Variants in AK5 observed in about 807,000 individuals in gnomAD.
AK5 encodes the protein adenylate kinase isoenzyme 5.
In AK5, 27 loss-of-function variants were observed where a neutral mutation model predicts 69.5. The observed-to-expected ratio is 0.39, with a 90% CI of 0.29 to 0.54. AK5 has a LOEUF of 0.54. AK5 is among the 20% of genes least tolerant of loss of function. The pLI is 0.71. For missense variants in AK5, 531 were observed against 700.4 expected (o/e 0.76, Z 2.73); for synonymous variants, 260 against 244.4 (o/e 1.06, Z -0.60).
At chr1:77,535,120 G>A (rs117244319) in intron 12 of AK5, among the ~76,000 whole-genome samples, 20 of 152,234 alleles carry the variant, frequency 1.3e-4, no homozygotes, top group Middle Eastern at 6.8e-3. Flanking sequence ...AGATGGCAGC[G>A]GACTCCCCAC....
At chr1:77,381,061 T>C (rs1647595162) in intron 6 of AK5, among the ~76,000 whole-genome samples, 1 of 152,242 alleles carries the variant, frequency 6.6e-6, no homozygotes, top group African/African-American at 2.4e-5. Context: ...AGATTCATTT[T>C]AGCACATGCT....
At chr1:77,413,445 T>A (rs1650181677) in intron 7 of AK5, among the ~76,000 whole-genome samples, 1 of 152,114 alleles carries the variant, frequency 6.6e-6, no homozygotes, top group Non-Finnish European at 1.5e-5. Context: ...CCCACAGGTG[T>A]ACCAGGACTT....
intron 8 of AK5, among the ~76,000 whole-genome samples, chr1:77,432,749 C>CT (rs1487467608): frequency 2.6e-5 from 4 of 151,962 alleles, no homozygotes; most frequent in Non-Finnish European, 5.9e-5. Context: ...GAAGCGTAGA[C>CT]TTTTTTTTAT....
intron 8 of AK5, among the ~76,000 whole-genome samples, chr1:77,429,883 A>C (rs959974940): frequency 3.3e-5 from 5 of 152,190 alleles, no homozygotes; most frequent in African/African-American, 1.2e-4. Flanking sequence ...AGGATGAAGC[A>C]GGAAGAAGCA....
At chr1:77,507,991 A>G (rs1445121076) in intron 10 of AK5, among the ~76,000 whole-genome samples, 1 of 152,170 alleles carries the variant, frequency 6.6e-6, no homozygotes, top group African/African-American at 2.4e-5. Flanking sequence ...AAAATCCAAA[A>G]TCCAAAATGT....
At chr1:77,391,405 A>C in intron 6 of AK5, among the ~76,000 whole-genome samples, 1 of 141,558 alleles carries the variant, frequency 7.1e-6, no homozygotes, top group Admixed American at 7.3e-5. Flanking sequence ...ATATATATAT[A>C]CACACACATA....
At chr1:77,378,688 T>TA (rs1304811822) in intron 6 of AK5, among the ~76,000 whole-genome samples, 1 of 152,032 alleles carries the variant, frequency 6.6e-6, no homozygotes, top group Admixed American at 6.5e-5. Context: ...TTTGGATTAA[T>TA]AAAAAACCTG....
At chr1:77,375,154 C>T (rs1169765086) in intron 6 of AK5, among the ~76,000 whole-genome samples, 2 of 152,202 alleles carry the variant, frequency 1.3e-5, no homozygotes, top group African/African-American at 4.8e-5. Context: ...GGCCAAGTCA[C>T]TGAGCTGAAG....
intron 6 of AK5, among the ~76,000 whole-genome samples, chr1:77,363,356 C>G (rs1445255628): frequency 6.6e-6 from 1 of 152,242 alleles, no homozygotes; most frequent in East Asian, 1.9e-4. Flanking sequence ...CTTGTCCAAG[C>G]CACACCATCT....
rs1165952824 is a variant in AK5, at chr1:77,297,690, A to G, written c.547A>G (p.Ile183Val). Residue 183 changes from isoleucine to valine, a missense_variant, in exon 4 of 14, where the codon ATT becomes GTT. Transcript: ENST00000354567. ...CAGCAGCAATAGGAAATGGAGTCTT[A>G]TTGCCAAGATAATTACAACTGGAGA... ...STSSNRKWSL[I>V]AKIITTGELA... 6.2e-7 allele frequency: 1 copy of G among 1,613,440 alleles called. No individual in the cohort carries two copies. Among genetic ancestry groups the G allele is most frequent in the Non-Finnish European group, 8.5e-7 (1 of 1,179,814 alleles).
At chr1:77,475,195 ATGTGTGTG>A (rs756205351) in intron 8 of AK5, among the ~76,000 whole-genome samples, 13 of 29,158 alleles carry the variant, frequency 4.5e-4, no homozygotes, top group African/African-American at 1.9e-3. Context: ...ATATATATAT[ATGTGTGTG>A]TGTGTGTGTG....
intron 12 of AK5, among the ~76,000 whole-genome samples, chr1:77,528,822 G>T (rs919632313): frequency 1.3e-5 from 2 of 152,314 alleles, no homozygotes; most frequent in Admixed American, 6.5e-5. Context: ...ACTCTGGTGT[G>T]AACAGGCCTG....
At chr1:77,407,525 A>T (rs1647047168) in intron 6 of AK5, among the ~76,000 whole-genome samples, 1 of 152,188 alleles carries the variant, frequency 6.6e-6, no homozygotes, top group Non-Finnish European at 1.5e-5. Flanking sequence ...CCAAAGGGGC[A>T]TGAGGAGTCT....
At chr1:77,484,721 A>G (rs1464840206) in intron 9 of AK5, among the ~76,000 whole-genome samples, 1 of 152,252 alleles carries the variant, frequency 6.6e-6, no homozygotes, top group African/African-American at 2.4e-5. Context: ...ACCTTATGAC[A>G]TAAATTATCA....
chr1:77,397,576 C>T (rs552700113), intron 6 of AK5, among the ~76,000 whole-genome samples: 5 of 152,112 alleles, frequency 3.3e-5, no homozygotes, highest in Non-Finnish European at 7.4e-5. Context: ...TCACTACTGG[C>T]AACATTAAAT....
chr1:77,435,419 G>A (rs112343064), intron 8 of AK5, among the ~76,000 whole-genome samples: 16,571 of 152,236 alleles, frequency 0.11, 1,018 homozygotes, highest in South Asian at 0.17. Flanking sequence ...GGAGGCTGAA[G>A]CCAGGGGATC....
chr1:77,558,527 G>A (rs994597846), intron 13 of AK5, 75 bp from the exon 14 acceptor site: 27 of 941,170 alleles, frequency 2.9e-5, no homozygotes, highest in Admixed American at 1.0e-4. Context: ...ATGAGCAAGT[G>A]ATAGTGTTCT....
chr1:77,359,070 G>A (rs919543983), intron 6 of AK5, among the ~76,000 whole-genome samples: 12 of 151,858 alleles, frequency 7.9e-5, no homozygotes, highest in East Asian at 1.9e-4. Flanking sequence ...CCTGGCTAAC[G>A]CGGTGAAACC....
intron 13 of AK5, among the ~76,000 whole-genome samples, chr1:77,549,431 T>C (rs1310837282): frequency 6.6e-6 from 1 of 152,182 alleles, no homozygotes; most frequent in Non-Finnish European, 1.5e-5. Flanking sequence ...CTCAAGCGTT[T>C]GTCCTTTCTT....
Sources: allele counts gnomAD v4.1 joint callset (sites outside exome capture counted in the v4.1 genomes callset), GRCh38; gene constraint gnomAD v4.1.1; transcripts MANE v1.5; gene names NCBI Gene and HGNC (gene_info 2026-07-23, HGNC 2026-07-21).